Variants in KLHL29 observed in about 807,000 individuals in gnomAD.
KLHL29 encodes kelch like family member 29.
Under a neutral mutation model 80.4 loss-of-function variants are expected in KLHL29, and 21 were observed. The observed-to-expected ratio is 0.26, with a 90% CI of 0.19 to 0.38. The LOEUF (loss-of-function observed/expected upper bound fraction) is 0.38, where lower values mean the gene tolerates loss of function less well. Ranked by LOEUF, KLHL29 falls within the 10% of genes least tolerant of loss-of-function variation. The pLI is 1.00. For synonymous variants in KLHL29, 511 were observed against 526.8 expected (o/e 0.97, Z 0.41); for missense variants, 867 against 1,223.9 (o/e 0.71, Z 4.35).
chr2:23,586,657 G>A (rs753857693), intron 3 of KLHL29, among the ~76,000 whole-genome samples: 3 of 152,070 alleles, frequency 2.0e-5, no homozygotes, highest in Non-Finnish European at 2.9e-5. Flanking sequence ...CACCGCGCCC[G>A]GCCAGCGTTA....
chr2:23,554,906 C>A (rs919209889), intron 2 of KLHL29, among the ~76,000 whole-genome samples: 2 of 152,206 alleles, frequency 1.3e-5, no homozygotes, highest in Non-Finnish European at 2.9e-5. Context: ...CCCAACACAC[C>A]AGCTGGTGAG....
chr2:23,576,549 A>AC (rs1667848853), intron 3 of KLHL29, among the ~76,000 whole-genome samples: 2 of 152,160 alleles, frequency 1.3e-5, no homozygotes, highest in African/African-American at 4.8e-5. Flanking sequence ...CCTTGTAAAT[A>AC]ATTGAGGAAG....
intron 1 of KLHL29, among the ~76,000 whole-genome samples, chr2:23,455,432 T>C (rs946371511): frequency 2.0e-5 from 3 of 152,218 alleles, no homozygotes; most frequent in Non-Finnish European, 4.4e-5. Context: ...GGTCTGTTGT[T>C]AGTGAAGGTC....
intron 3 of KLHL29, among the ~76,000 whole-genome samples, chr2:23,574,243 G>C (rs979242536): frequency 8.5e-5 from 13 of 152,160 alleles, no homozygotes; most frequent in African/African-American, 3.1e-4. Flanking sequence ...ATCTTTCCTG[G>C]GATGGAGAAG....
rs759243945 is a variant in KLHL29, at chr2:23,642,394, C to T, written c.484C>T (p.His162Tyr). 1.2e-5 allele frequency: 17 copies of T among 1,445,916 alleles called. 1 individual carries two copies. Among genetic ancestry groups the T allele is most frequent in the Middle Eastern group, 3.6e-4 (2 of 5,524 alleles). 89.6% of individuals were successfully genotyped at this position (1,445,916 alleles called of 1,614,324 possible). ...AAGNQPTLIA[H>Y]SYGVAQPPTF... is the part of the protein sequence containing the mutation. ...CGGGAACCAGCCCACCCTGATTGCA[C>T]ACTCCTATGGAGTGGCCCAGCCTCC... Residue 162 changes from histidine to tyrosine, a missense_variant, in exon 5 of 14, where the codon CAC (histidine) becomes TAC (tyrosine). Coordinates refer to ENST00000486442, the MANE Select transcript of KLHL29 (RefSeq NM_052920.2).
chr2:23,574,467 G>A (rs1667793951), intron 3 of KLHL29, among the ~76,000 whole-genome samples: 1 of 152,184 alleles, frequency 6.6e-6, no homozygotes, highest in Admixed American at 6.5e-5. Context: ...AAACAGCTGG[G>A]TGAACGCGCT....
intron 1 of KLHL29, among the ~76,000 whole-genome samples, chr2:23,435,651 T>A (rs1663317462): frequency 6.6e-6 from 1 of 152,212 alleles, no homozygotes. Context: ...TTAAATTAAC[T>A]GTTTTTGGAT....
chr2:23,462,478 A>C (rs1419369065), intron 1 of KLHL29, among the ~76,000 whole-genome samples: 1 of 152,212 alleles, frequency 6.6e-6, no homozygotes, highest in East Asian at 1.9e-4. Flanking sequence ...CTGGAGGGGC[A>C]GCCAGCTCTG....
chr2:23,642,899 C>T (rs1558421135), intron 5 of KLHL29, 49 bp downstream of exon 5: 1 of 1,546,492 alleles, frequency 6.5e-7, no homozygotes, highest in Non-Finnish European at 8.7e-7. Flanking sequence ...TCTGCACCTC[C>T]CTGCGCGGTC....
At chr2:23,444,658 A>G (rs1039179469) in intron 1 of KLHL29, among the ~76,000 whole-genome samples, 3 of 152,190 alleles carry the variant, frequency 2.0e-5, no homozygotes, top group African/African-American at 4.8e-5. Context: ...GTGCGTTAAC[A>G]TGTTTACCTG....
At chr2:23,517,318 G>A (rs1665966483) in intron 2 of KLHL29, among the ~76,000 whole-genome samples, 1 of 152,242 alleles carries the variant, frequency 6.6e-6, no homozygotes, top group Non-Finnish European at 1.5e-5. Context: ...GCCGAGGCGG[G>A]TGGATCATGA....
At chr2:23,505,524 G>A (rs149380407) in intron 2 of KLHL29, among the ~76,000 whole-genome samples, 1 of 152,280 alleles carries the variant, frequency 6.6e-6, no homozygotes, top group African/African-American at 2.4e-5. Flanking sequence ...TGCCTCTTAA[G>A]GTGGACTCTG....
intron 2 of KLHL29, among the ~76,000 whole-genome samples, chr2:23,479,459 C>A (rs991043402): frequency 3.9e-5 from 6 of 152,058 alleles, no homozygotes; most frequent in Non-Finnish European, 7.4e-5. Context: ...CTCGTGTGAG[C>A]TGCCGTCCTC....
intron 5 of KLHL29, among the ~76,000 whole-genome samples, chr2:23,649,284 G>A (rs546120937): frequency 2.6e-5 from 4 of 152,288 alleles, no homozygotes; most frequent in East Asian, 1.9e-4. Context: ...CTCAGAGCCC[G>A]TGGAATTCGA....
chr2:23,696,526 C>T lies in KLHL29; in HGVS notation c.2105+13C>T, dbSNP rs987900827. ...ACCACGTGGAGAGGTAATGAGGCCA[C>T]GGTCAGGACAGGGGCATGCTCTTTG... On this transcript the variant is annotated intron_variant, in intron 11 of 13. Transcript: ENST00000486442. The surrounding 1 kb of genome is among the most constrained non-coding windows in gnomAD (Gnocchi z 5.5). 64 of 1,509,114 alleles carry T rather than the reference C, an allele frequency of 4.2e-5. No individual in the cohort carries two copies. The highest frequency in any genetic ancestry group is 5.1e-5 in the Non-Finnish European group (57 of 1,126,378). The allele number at this position is 1,509,114 out of a possible 1,614,324, so 93.5% of individuals were successfully genotyped here. A position where few individuals can be genotyped will look rare whatever the true frequency, so the allele number is the denominator to read the frequency against.
At chr2:23,602,137 C>A (rs938500913) in intron 3 of KLHL29, among the ~76,000 whole-genome samples, 2 of 152,226 alleles carry the variant, frequency 1.3e-5, no homozygotes, top group African/African-American at 4.8e-5. Context: ...AGAGTATCCA[C>A]TGCTCATTTT....
intron 2 of KLHL29, among the ~76,000 whole-genome samples, chr2:23,528,634 T>C (rs1412987445): frequency 6.6e-6 from 1 of 152,208 alleles, no homozygotes; most frequent in Non-Finnish European, 1.5e-5. Context: ...CTTTGATCAA[T>C]AAAGCAGGAA....
At chr2:23,509,518 A>G (rs1286054050) in intron 2 of KLHL29, among the ~76,000 whole-genome samples, 2 of 152,196 alleles carry the variant, frequency 1.3e-5, no homozygotes, top group Admixed American at 1.3e-4. Flanking sequence ...CATTACAGTC[A>G]ATAAGGGGGA....
At chr2:23,652,739 C>T (rs1267095934) in intron 5 of KLHL29, among the ~76,000 whole-genome samples, 5 of 152,176 alleles carry the variant, frequency 3.3e-5, no homozygotes, top group South Asian at 2.1e-4. Flanking sequence ...CGTTTATACA[C>T]GCAGAGATAT....
Sources: gnomAD v4.1 joint callset for allele counts (sites outside exome capture counted in the v4.1 genomes callset) on GRCh38, gnomAD v4.1.1 for gene constraint, Gnocchi (gnomAD v3.1) non-coding constraint, MANE v1.5 for transcripts, NCBI Gene and HGNC (gene_info 2026-07-23, HGNC 2026-07-21) for gene names.